DAPK1: variants seen among roughly 807,000 people sequenced by gnomAD.
DAPK1 encodes the protein death associated protein kinase 1.
DAPK1 carries 56 observed loss-of-function variants against 144.9 expected under a neutral mutation model. The ratio of observed to expected loss-of-function variants is 0.39; its 90% CI spans 0.31 to 0.48. The LOEUF is 0.48. DAPK1 is among the 20% of genes least tolerant of loss of function. The probability of loss-of-function intolerance (pLI) is 0.95; values close to 1 mark genes in which losing one functional copy is unlikely to be tolerated. For missense variants in DAPK1, 1,454 were observed against 1,875.4 expected (o/e 0.78, Z 4.15); for synonymous variants, 690 against 749.0 (o/e 0.92, Z 1.29).
At chr9:87,582,924 G>GAGC (rs928181369) in intron 2 of DAPK1, among the ~76,000 whole-genome samples, 6 of 151,710 alleles carry the variant, frequency 4.0e-5, no homozygotes, top group East Asian at 1.9e-4. Context: ...AGAACCACAG[G>GAGC]AGCAGCAGCA....
chr9:87,587,636 T>C (rs1263886881), intron 2 of DAPK1, among the ~76,000 whole-genome samples: 5 of 152,250 alleles, frequency 3.3e-5, no homozygotes, highest in Non-Finnish European at 5.9e-5. Flanking sequence ...GAATTGGTCA[T>C]TTTTGTTCCT....
At chr9:87,509,808 A>T (rs2118095353) in intron 2 of DAPK1, among the ~76,000 whole-genome samples, 1 of 152,278 alleles carries the variant, frequency 6.6e-6, no homozygotes, top group Non-Finnish European at 1.5e-5. Context: ...CATTCCTGGG[A>T]GCTCTTCTGG....
chr9:87,668,373 CCAA>C, intron 18 of DAPK1: 1 of 541,122 alleles, frequency 1.8e-6, no homozygotes, highest in Non-Finnish European at 3.3e-6. Context: ...CAGGAAGACA[CCAA>C]CATGTGCTTT....
chr9:87,525,423 G>C (rs1297771681), intron 2 of DAPK1: 7 of 1,610,642 alleles, frequency 4.3e-6, no homozygotes, highest in Non-Finnish European at 5.9e-6. Context: ...AATATGTGCC[G>C]CCAGTGTTTC....
chr9:87,651,663 G>A lies in DAPK1; in HGVS notation c.1763G>A (p.Gly588Asp). The part of the protein sequence containing the change: ...NTPLHVACKD[G>D]NMPIVVALCE... ...CCCCTCCATGTGGCATGTAAAGATG[G>A]CAACATGCCTATCGTGGTGGCCCTC... is the stretch of plus-strand genomic sequence containing the variant. Residue 588 changes from glycine to aspartate, a missense_variant, in exon 17 of 26, where the codon GGC becomes GAC. Physicochemically the swap from Gly to Asp is moderately conservative, Grantham distance 94. Coordinates refer to ENST00000408954, the MANE Select transcript of DAPK1 (RefSeq NM_004938.4). 6.2e-7 allele frequency: 1 copy of A among 1,614,182 alleles called. No homozygotes were observed. Among genetic ancestry groups the A allele is most frequent in the Non-Finnish European group, 8.5e-7 (1 of 1,180,018 alleles).
At chr9:87,567,534 C>T (rs930487958) in intron 2 of DAPK1, among the ~76,000 whole-genome samples, 3 of 152,112 alleles carry the variant, frequency 2.0e-5, no homozygotes, top group South Asian at 4.1e-4. Context: ...ATTGGAGTTG[C>T]GGGGTCAGAC....
At chr9:87,518,449 A>G (rs914188967) in intron 2 of DAPK1, among the ~76,000 whole-genome samples, 10 of 151,884 alleles carry the variant, frequency 6.6e-5, no homozygotes, top group African/African-American at 2.2e-4. Flanking sequence ...TTAAAAGGGA[A>G]AACCTAAGGA....
intron 2 of DAPK1, among the ~76,000 whole-genome samples, chr9:87,568,764 C>A (rs111350293): frequency 6.6e-6 from 1 of 152,120 alleles, no homozygotes; most frequent in African/African-American, 2.4e-5. Flanking sequence ...GGTAATGGGT[C>A]TCTGAGCCAT....
At chr9:87,554,920 T>C (rs1342706581) in intron 2 of DAPK1, among the ~76,000 whole-genome samples, 4 of 152,206 alleles carry the variant, frequency 2.6e-5, no homozygotes, top group African/African-American at 9.6e-5. Flanking sequence ...TCTGCCACAA[T>C]CTACAGTGAG....
rs1472225659 is a variant in DAPK1 at position 87,605,097 on chromosome 9, A to G, written c.206A>G (p.Lys69Arg). 6.2e-7 allele frequency: 1 copy of G among 1,614,218 alleles called. No homozygotes were observed. Among genetic ancestry groups the G allele is most frequent in the Admixed American group, 1.7e-5 (1 of 60,030 alleles). Reference sequence around the variant, plus strand: ...ATCGAGCGGGAGGTCAGCATCCTGAAGGAGATCCAGCACCCCAATGTCATC... The same window carrying G: ...ATCGAGCGGGAGGTCAGCATCCTGAGGGAGATCCAGCACCCCAATGTCATC... ...EDIEREVSILKEIQHPNVITL... is the reference protein window; with the variant it reads ...EDIEREVSILREIQHPNVITL... The change falls in exon 3 of 26, where the codon AAG (lysine) becomes AGG (arginine). Residue 69 changes from lysine (K) to arginine (R), a missense_variant. Around this residue, in one of 2 missense-constraint regions of DAPK1, gnomAD observed 429 missense variants for 637.5 expected, o/e 0.67. Transcript: ENST00000408954.
chr9:87,509,031 GGTTTATGGGTAA>G (rs1480332034), intron 2 of DAPK1, among the ~76,000 whole-genome samples: 6 of 152,180 alleles, frequency 3.9e-5, no homozygotes, highest in African/African-American at 1.2e-4. Context: ...GGCCATCTGT[GGTTTATGGGTAA>G]GCAGCAGAAA....
intron 2 of DAPK1, among the ~76,000 whole-genome samples, chr9:87,507,732 T>C (rs960117282): frequency 6.6e-6 from 1 of 152,194 alleles, no homozygotes; most frequent in African/African-American, 2.4e-5. Context: ...TGCCGATCTC[T>C]GAAGTGTGAA....
At chr9:87,635,396 G>A (rs537618934) in intron 3 of DAPK1, among the ~76,000 whole-genome samples, 15 of 152,250 alleles carry the variant, frequency 9.9e-5, no homozygotes, top group African/African-American at 1.7e-4. Flanking sequence ...AGCAGAATGC[G>A]AGTGAGGTGG....
At chr9:87,537,658 G>A (rs1045931244) in intron 2 of DAPK1, among the ~76,000 whole-genome samples, 8 of 152,068 alleles carry the variant, frequency 5.3e-5, no homozygotes, top group East Asian at 3.9e-4. Flanking sequence ...CTGTGTGTGC[G>A]CGTTAGTGTG....
intron 3 of DAPK1, among the ~76,000 whole-genome samples, chr9:87,606,913 A>G (rs185699209): frequency 1.3e-5 from 2 of 151,080 alleles, no homozygotes; most frequent in East Asian, 4.0e-4. Flanking sequence ...GCTGTCCTAA[A>G]CATTGTAGAA....
intron 3 of DAPK1, among the ~76,000 whole-genome samples, chr9:87,634,124 A>G (rs556533110): frequency 2.0e-5 from 3 of 152,374 alleles, no homozygotes; most frequent in African/African-American, 7.2e-5. Context: ...ATTGGAACAC[A>G]GCCACACCCA....
rs1828661858 is a variant in DAPK1, at chr9:87,605,015, A to G, written c.124A>G (p.Lys42Glu). 6.2e-7 allele frequency: 1 copy of G among 1,614,206 alleles called. No individual in the cohort carries two copies. The highest frequency in any genetic ancestry group is 8.5e-7 in the Non-Finnish European group (1 of 1,180,028). Reference protein sequence around the residue: ...EKSTGLQYAAKFIKKRRTKSS... With the variant: ...EKSTGLQYAAEFIKKRRTKSS... Reference sequence around the variant, plus strand: ...AAGCACCGGCCTCCAGTATGCCGCCAAATTCATCAAGAAAAGGAGGACTAA... The same window carrying G: ...AAGCACCGGCCTCCAGTATGCCGCCGAATTCATCAAGAAAAGGAGGACTAA... The change falls in exon 3 of 26, where the codon AAA becomes GAA. Residue 42 changes from lysine (K) to glutamate (E), a missense_variant. Physicochemically the swap from Lys to Glu is moderately conservative, Grantham distance 56. Coordinates refer to ENST00000408954, the MANE Select transcript of DAPK1 (RefSeq NM_004938.4).
chr9:87,698,584 C>A (rs1317777893), intron 22 of DAPK1, 72 bp from the exon 23 acceptor site: 16 of 919,222 alleles, frequency 1.7e-5, no homozygotes, highest in Non-Finnish European at 3.5e-6. Context: ...CAACACACCG[C>A]CCTCACCTGG....
intron 2 of DAPK1, among the ~76,000 whole-genome samples, chr9:87,535,766 G>A (rs909441485): frequency 2.6e-5 from 4 of 152,080 alleles, no homozygotes; most frequent in African/African-American, 9.7e-5. Flanking sequence ...GTAGGCAACG[G>A]TATAGTAATA....
Sources: gnomAD v4.1 joint callset for allele counts (sites outside exome capture counted in the v4.1 genomes callset) on GRCh38, gnomAD v4.1.1 for gene constraint, gnomAD v4.1.1 regional missense constraint, MANE v1.5 for transcripts, NCBI Gene and HGNC (gene_info 2026-07-23, HGNC 2026-07-21) for gene names.